The following CNNM2 variants were observed in gnomAD, a reference collection of about 807,000 sequenced individuals.
The protein encoded by CNNM2 is metal transporter CNNM2.
Under a neutral mutation model 66.9 loss-of-function variants are expected in CNNM2, and 12 were observed. The observed-to-expected ratio is 0.18, with a 90% CI of 0.11 to 0.29. The LOEUF (loss-of-function observed/expected upper bound fraction) is 0.29, where lower values mean the gene tolerates loss of function less well. CNNM2 is among the 10% of genes least tolerant of loss of function. CNNM2 has a pLI of 1.00. For missense variants in CNNM2, 705 were observed against 1,167.7 expected (o/e 0.60, Z 5.77); for synonymous variants, 557 against 501.8 (o/e 1.11, Z -1.47).
rs908256586 is a variant in CNNM2, at chr10:102,950,624, C to T, written c.1621+30523C>T. On this transcript the variant is annotated intron_variant, in intron 1 of 7. Coordinates refer to ENST00000369878, the MANE Select transcript of CNNM2 (RefSeq NM_017649.5). ...CAAAAATTAGCCGGGTGTGGTGATGCGCACCTGCACTCCCAGCTACTCATG... is the reference window on the plus strand; with the variant it reads ...CAAAAATTAGCCGGGTGTGGTGATGTGCACCTGCACTCCCAGCTACTCATG... 3.3e-5 allele frequency among the ~76,000 whole-genome samples: 5 copies of T among 151,868 alleles called. No individual in the cohort carries two copies. In the East Asian group the frequency reaches 9.7e-4, roughly 29 times the overall value.
intron 1 of CNNM2, among the ~76,000 whole-genome samples, chr10:103,019,033 T>C (rs1022757345): frequency 1.3e-4 from 20 of 151,102 alleles, no homozygotes; most frequent in African/African-American, 4.6e-4. Context: ...TTTGGGAGGC[T>C]GAGGCAGGCA....
At chr10:102,921,983 A>G (rs1050583005) in intron 1 of CNNM2, among the ~76,000 whole-genome samples, 3 of 152,184 alleles carry the variant, frequency 2.0e-5, no homozygotes, top group East Asian at 1.9e-4. Flanking sequence ...CAATTTTTCT[A>G]TGATGGATTT....
At chr10:102,927,517 TG>T in intron 1 of CNNM2, 1 of 1,525,314 alleles carries the variant, frequency 6.6e-7, no homozygotes, top group Non-Finnish European at 8.9e-7. Flanking sequence ...CCCGGCACTT[TG>T]GGAGGCCCAG....
intron 4 of CNNM2, among the ~76,000 whole-genome samples, chr10:103,066,024 T>C (rs1034462356): frequency 2.6e-5 from 4 of 152,134 alleles, no homozygotes; most frequent in African/African-American, 9.7e-5. Flanking sequence ...CTCCCACTGA[T>C]TCCTCTGTAG....
chr10:103,019,039 A>G (rs1163513963), intron 1 of CNNM2, among the ~76,000 whole-genome samples: 1 of 151,270 alleles, frequency 6.6e-6, no homozygotes. Context: ...AGGCTGAGGC[A>G]GGCAGATCAC....
chr10:103,040,115 C>T (rs918055025), intron 1 of CNNM2, among the ~76,000 whole-genome samples: 7 of 151,822 alleles, frequency 4.6e-5, no homozygotes, highest in African/African-American at 1.7e-4. Context: ...TGTAATGAGC[C>T]AAGATTGTAC....
At chr10:102,925,524 T>C (rs1845830762) in intron 1 of CNNM2, among the ~76,000 whole-genome samples, 1 of 152,052 alleles carries the variant, frequency 6.6e-6, no homozygotes, top group South Asian at 2.1e-4. Context: ...AAAAACAAAG[T>C]AAATGACCTA....
At chr10:102,968,281 C>T (rs2063496247) in intron 1 of CNNM2, among the ~76,000 whole-genome samples, 1 of 152,096 alleles carries the variant, frequency 6.6e-6, no homozygotes, top group African/African-American at 2.4e-5. Context: ...GAGTCTGGCT[C>T]TGTCACCTAG....
At chr10:103,041,284 C>G (rs1189945264) in intron 1 of CNNM2, among the ~76,000 whole-genome samples, 1 of 152,170 alleles carries the variant, frequency 6.6e-6, no homozygotes, top group Non-Finnish European at 1.5e-5. Flanking sequence ...TCAAGTTTCA[C>G]TGAGCTGTGA....
intron 1 of CNNM2, among the ~76,000 whole-genome samples, chr10:103,022,534 T>C (rs1160856993): frequency 6.6e-6 from 1 of 152,164 alleles, no homozygotes; most frequent in East Asian, 1.9e-4. Context: ...GTTAATAACT[T>C]GGGATCAGCC....
chr10:102,966,258 G>A (rs914591900), intron 1 of CNNM2, among the ~76,000 whole-genome samples: 3 of 152,198 alleles, frequency 2.0e-5, no homozygotes, highest in African/African-American at 7.2e-5. Context: ...ATGGTTTGAT[G>A]GATGGAGGAG....
chr10:103,078,899 T>C lies in CNNM2; in HGVS notation c.*1719T>C, dbSNP rs1222674281. The stretch of plus-strand genomic sequence containing the variant: ...GCCGGGCTGGCTGCCTGGTGAGCAG[T>C]TTGGTGCCTCGGGTGTTGTGCATGC... On this transcript the variant is annotated 3_prime_UTR_variant, in exon 8 of 8. Transcript: ENST00000369878. 1 of 152,618 alleles carries C rather than the reference T, an allele frequency of 6.6e-6. No individual in the cohort carries two copies. Among genetic ancestry groups the C allele is most frequent in the Non-Finnish European group, 1.5e-5 (1 of 68,464 alleles). The allele number at this position is 152,618 out of a possible 1,614,324, so 9.5% of individuals were successfully genotyped here.
intron 1 of CNNM2, among the ~76,000 whole-genome samples, chr10:102,993,507 TATC>T (rs1247590413): frequency 6.6e-6 from 1 of 152,196 alleles, no homozygotes; most frequent in African/African-American, 2.4e-5. Flanking sequence ...AGAATTCTAT[TATC>T]TGATAATTTT....
chr10:103,054,448 C>G lies in CNNM2; in HGVS notation c.1885C>G (p.His629Asp). Reference sequence around the variant, plus strand: ...ATCACCACAGCTCCTCCTGGCCATGCACCGTTTCCTAGCAACAGGCAAGTG... The same window carrying G: ...ATCACCACAGCTCCTCCTGGCCATGGACCGTTTCCTAGCAACAGGCAAGTG... The part of the protein sequence containing the change: ...KISPQLLLAM[H>D]RFLATEVEAF... Residue 629 changes from histidine to aspartate, a missense_variant, in exon 3 of 8, where the codon CAC (histidine) becomes GAC (aspartate). Physicochemically the swap from His to Asp is moderately conservative, Grantham distance 81. Around this residue, in one of 9 missense-constraint regions of CNNM2, gnomAD observed 171 missense variants for 304.8 expected, o/e 0.56. Coordinates refer to ENST00000369878, the MANE Select transcript of CNNM2 (RefSeq NM_017649.5). This position sits in a 1 kb window ranked among gnomAD's most constrained non-coding sequence, Gnocchi z 5.2. The G allele has an allele frequency of 6.2e-7, 1 of 1,613,896 alleles. No homozygotes were observed. Among genetic ancestry groups the G allele is most frequent in the Non-Finnish European group, 8.5e-7 (1 of 1,179,858 alleles).
At chr10:103,056,090 A>G (rs948025198) in intron 3 of CNNM2, among the ~76,000 whole-genome samples, 1 of 150,994 alleles carries the variant, frequency 6.6e-6, no homozygotes, top group East Asian at 2.0e-4. Context: ...TCCTTCTCAA[A>G]AAAAAAAAAA....
At chr10:103,047,230 T>C (rs772949973) in intron 1 of CNNM2, among the ~76,000 whole-genome samples, 1 of 152,232 alleles carries the variant, frequency 6.6e-6, no homozygotes, top group Non-Finnish European at 1.5e-5. Context: ...TGATGTCATA[T>C]AACCACTGAT....
rs886996499 is a variant in CNNM2, at chr10:103,084,031, C to G, written c.*6851C>G. The stretch of plus-strand genomic sequence containing the variant: ...TGATACACGTTCTTTTCCATCACTA[C>G]TTTGTCTTCTGTTCCTTCTTACCCT... On this transcript the variant is annotated 3_prime_UTR_variant, in exon 8 of 8. Transcript: ENST00000369878. The G allele has an allele frequency of 3.3e-5, 5 of 152,214 alleles. No individual in the cohort carries two copies. The highest frequency in any genetic ancestry group is 7.3e-5 in the Non-Finnish European group (5 of 68,048). 9.4% of individuals were successfully genotyped at this position (152,214 alleles called of 1,614,324 possible).
In CNNM2 at chr10:103,083,785, A is replaced by G. The variant is rs1468920229; in HGVS notation, c.*6605A>G. 1 of 152,224 alleles carries G rather than the reference A, an allele frequency of 6.6e-6. No homozygotes were observed. The highest frequency in any genetic ancestry group is 1.5e-5 in the Non-Finnish European group (1 of 68,052). 9.4% of individuals were successfully genotyped at this position (152,224 alleles called of 1,614,324 possible). On this transcript the variant is annotated 3_prime_UTR_variant, in exon 8 of 8. Coordinates refer to ENST00000369878, the MANE Select transcript of CNNM2 (RefSeq NM_017649.5). ...CCGCTGGGCTAAGCCGGCATTTCCT[A>G]GGTAAGACCAAAGGTCTCATTCAGG...
chr10:103,052,285 A>C (rs560830734), intron 2 of CNNM2, among the ~76,000 whole-genome samples: 332 of 150,358 alleles, frequency 2.2e-3, no homozygotes, highest in African/African-American at 7.7e-3. Context: ...GTCTCAAAAA[A>C]AAAAACAAAA....
Sources: gnomAD v4.1 joint callset for allele counts (sites outside exome capture counted in the v4.1 genomes callset) on GRCh38, gnomAD v4.1.1 for gene constraint, gnomAD v4.1.1 regional missense constraint, Gnocchi (gnomAD v3.1) non-coding constraint, MANE v1.5 for transcripts, NCBI Gene and HGNC (gene_info 2026-07-23, HGNC 2026-07-21) for gene names.